HSPA12A: variants seen among roughly 807,000 people sequenced by gnomAD.
The protein encoded by HSPA12A is heat shock 70 kDa protein 12A.
Under a neutral mutation model 69.2 loss-of-function variants are expected in HSPA12A, and 28 were observed. The ratio of observed to expected loss-of-function variants is 0.40; its 90% CI spans 0.30 to 0.55. The LOEUF is 0.55. Among genes scored for constraint, HSPA12A ranks in the 20% least tolerant of loss-of-function variants. The probability of loss-of-function intolerance (pLI) is 0.38; values close to 1 mark genes in which losing one functional copy is unlikely to be tolerated. For synonymous variants in HSPA12A, 345 were observed against 370.5 expected (o/e 0.93, Z 0.79); for missense variants, 686 against 900.7 (o/e 0.76, Z 3.05).
upstream of HSPA12A, among the ~76,000 whole-genome samples, chr10:116,743,098 C>A (rs1445505286): frequency 1.5e-5 from 1 of 66,730 alleles, no homozygotes; most frequent in Non-Finnish European, 3.4e-5. Flanking sequence ...CAAGGACCTG[C>A]GCGGGGGCCG....
intron 2 of HSPA12A, among the ~76,000 whole-genome samples, chr10:116,807,064 T>C (rs749158103): frequency 3.9e-5 from 6 of 152,056 alleles, no homozygotes; most frequent in Non-Finnish European, 7.3e-5. Flanking sequence ...GCCTGGAGCA[T>C]CCAGAGGGAC....
intron 2 of HSPA12A, among the ~76,000 whole-genome samples, chr10:116,753,758 C>T (rs1007075077): frequency 6.6e-6 from 1 of 152,200 alleles, no homozygotes; most frequent in Non-Finnish European, 1.5e-5. Flanking sequence ...AATGGGTCTA[C>T]GTCCTCTTTC....
chr10:116,706,194 CTCTT>C (rs1406761164), intron 2 of HSPA12A, among the ~76,000 whole-genome samples: 3 of 97,336 alleles, frequency 3.1e-5, no homozygotes, highest in Non-Finnish European at 4.6e-5. Flanking sequence ...CACGCCTGGC[CTCTT>C]TTTTTTTTTT....
chr10:116,839,428 CA>C (rs1845767940), intron 1 of HSPA12A, among the ~76,000 whole-genome samples: 1 of 151,910 alleles, frequency 6.6e-6, no homozygotes. Flanking sequence ...ACTAAGTAGC[CA>C]AAGGAGTCTT....
rs1157018480 is a variant in HSPA12A, at chr10:116,742,179, G to GC, written c.40+250dup. 3.3e-5 allele frequency among the ~76,000 whole-genome samples: 5 copies of GC among 152,044 alleles called. No individual in the cohort carries two copies. The East Asian group carries it at 5.8e-4, about 18-fold the overall frequency. ...CCAACCAGGCGCCTCAGCGGGGGCT[G>GC]CAGTCCCCGCCGCGGAGTCCGCACC... On this transcript the variant is annotated intron_variant, in intron 1 of 11. Coordinates refer to ENST00000369209, the MANE Select transcript of HSPA12A (RefSeq NM_025015.3).
At position 116,705,262 on chromosome 10, in the gene HSPA12A, T is replaced by C. The variant is rs782056784; in HGVS notation, c.143A>G (p.Asn48Ser). Residue 48 changes from asparagine to serine, a missense_variant, in exon 3 of 12, where the codon AAC becomes AGC. By Grantham distance (46) the Asn-to-Ser change is conservative. Coordinates refer to ENST00000369209, the MANE Select transcript of HSPA12A (RefSeq NM_025015.3). Reference sequence around the variant, plus strand: ...GAGAAATGACTGCTGTTCTGAGACGTTGGAGTCAGTGTCGTTCTGCAGATA... The same window carrying C: ...GAGAAATGACTGCTGTTCTGAGACGCTGGAGTCAGTGTCGTTCTGCAGATA... ...PSHIVNDTDS[N>S]VSEQQSFLVV... 1.1e-5 allele frequency: 18 copies of C among 1,613,790 alleles called. No individual in the cohort carries two copies. Among genetic ancestry groups the C allele is most frequent in the Admixed American group, 1.0e-4 (6 of 59,996 alleles).
At chr10:116,831,434 C>T (rs1845612290) in intron 2 of HSPA12A, 1 of 152,220 alleles carries the variant, frequency 6.6e-6, no homozygotes, top group Admixed American at 6.5e-5. Flanking sequence ...GAGCACCCTA[C>T]CGTGTCCGGA....
rs1033829945 is a variant in HSPA12A at position 116,675,347 on chromosome 10, G to T, written c.1462C>A (p.Pro488Thr). The T allele has an allele frequency of 6.2e-7, 1 of 1,612,556 alleles. No individual in the cohort carries two copies. Among genetic ancestry groups the T allele is most frequent in the Non-Finnish European group, 8.5e-7 (1 of 1,179,758 alleles). Residue 488 changes from proline (P) to threonine (T), a missense_variant, in exon 12 of 12, where the codon CCC becomes ACC. By Grantham distance (38) the Pro-to-Thr change is conservative (BLOSUM62 -1). Transcript: ENST00000369209. This position sits in a 1 kb window ranked among gnomAD's most constrained non-coding sequence, Gnocchi z 5.2. ...LFLVGGFAEA[P>T]LLQQAVQAAF... ...GCCTGCACCGCCTGCTGCAGCAGGGGCGCCTCGGCAAAGCCGCCCACCAGA... is the reference window on the plus strand; with the variant it reads ...GCCTGCACCGCCTGCTGCAGCAGGGTCGCCTCGGCAAAGCCGCCCACCAGA...
At chr10:116,758,496 C>G (rs138502952) in intron 2 of HSPA12A, among the ~76,000 whole-genome samples, 1 of 152,276 alleles carries the variant, frequency 6.6e-6, no homozygotes, top group East Asian at 1.9e-4. Context: ...CTTATCACTT[C>G]AAGTCCAGAG....
intron 5 of HSPA12A, among the ~76,000 whole-genome samples, chr10:116,694,302 G>A (rs1189824438): frequency 6.6e-6 from 1 of 152,082 alleles, no homozygotes; most frequent in African/African-American, 2.4e-5. Flanking sequence ...GCTTATTCCA[G>A]CCAAGCAAGC....
chr10:116,849,531 C>A, intron 1 of HSPA12A: 1 of 1,474,596 alleles, frequency 6.8e-7, no homozygotes, highest in Non-Finnish European at 9.0e-7. Context: ...CGTGGGACCC[C>A]AGGCTAAACC....
At chr10:116,685,839 T>A (rs1214826087) in intron 6 of HSPA12A, among the ~76,000 whole-genome samples, 1 of 152,104 alleles carries the variant, frequency 6.6e-6, no homozygotes, top group Non-Finnish European at 1.5e-5. Flanking sequence ...AAATACCAAA[T>A]GCCTCAAAAT....
intron 1 of HSPA12A, among the ~76,000 whole-genome samples, chr10:116,714,723 G>A (rs964280622): frequency 6.6e-6 from 1 of 152,154 alleles, no homozygotes; most frequent in African/African-American, 2.4e-5. Flanking sequence ...GCTCTTCTAA[G>A]TCCACCCCAC....
At chr10:116,700,224 C>T (rs1665657) in intron 4 of HSPA12A, among the ~76,000 whole-genome samples, 152,129 of 152,378 alleles carry the variant, frequency 1, 75,942 homozygotes, top group Non-Finnish European at 1. Context: ...TCTTAAACAT[C>T]ATCATCATCC....
At chr10:116,677,118 T>A (rs1849262516) in intron 10 of HSPA12A, among the ~76,000 whole-genome samples, 1 of 152,082 alleles carries the variant, frequency 6.6e-6, no homozygotes, top group South Asian at 2.1e-4. Flanking sequence ...TCAAGCCCAG[T>A]CTCCACGTCT....
At chr10:116,751,167 G>A in intron 2 of HSPA12A, 1 of 227,858 alleles carries the variant, frequency 4.4e-6, no homozygotes, top group Non-Finnish European at 9.4e-6. Flanking sequence ...GGTGACAATG[G>A]CAAAACTGTC....
intron 1 of HSPA12A, among the ~76,000 whole-genome samples, chr10:116,734,951 C>T (rs143425717): frequency 0.011 from 1,661 of 152,172 alleles, 31 homozygotes; most frequent in African/African-American, 0.038. Flanking sequence ...GAGATCGAGC[C>T]GCTGCACTCC....
intron 7 of HSPA12A, chr10:116,683,519 T>G (rs1256006666): frequency 1.2e-5 from 4 of 328,426 alleles, no homozygotes; most frequent in African/African-American, 8.4e-5. Context: ...CAATAACCGC[T>G]CTCAGGCTAC....
chr10:116,698,336 A>G, intron 5 of HSPA12A: 1 of 270,916 alleles, frequency 3.7e-6, no homozygotes, highest in Non-Finnish European at 6.9e-6. Context: ...TTCTTCTTTC[A>G]TTTCTCTTAG....
Sources: gnomAD v4.1 joint callset for allele counts (sites outside exome capture counted in the v4.1 genomes callset) on GRCh38, gnomAD v4.1.1 for gene constraint, Gnocchi (gnomAD v3.1) non-coding constraint, MANE v1.5 for transcripts, NCBI Gene and HGNC (gene_info 2026-07-23, HGNC 2026-07-21) for gene names.